The following ARV1 variants were observed in gnomAD, a reference collection of about 807,000 sequenced individuals.
ARV1 encodes protein ARV1.
In ARV1, 26 loss-of-function variants were observed where a neutral mutation model predicts 31.1. The ratio of observed to expected loss-of-function variants is 0.84; its 90% CI spans 0.61 to 1.16. ARV1 has a LOEUF of 1.16. Among genes scored for constraint, ARV1 ranks in the 50% most tolerant of loss-of-function variants. ARV1 has a pLI of 0.00. For missense variants in ARV1, 281 were observed against 324.9 expected, an observed-to-expected ratio of 0.86 and a Z score of 1.04; for synonymous variants, 117 against 123.2, an observed-to-expected ratio of 0.95 and a Z score of 0.34.
In ARV1 at chr1:230,990,093, A is replaced by G. The variant is rs779438886; in HGVS notation, c.295-17A>G. The G allele has an allele frequency of 6.9e-6, 11 of 1,587,660 alleles. No individual in the cohort carries two copies. The highest frequency in any genetic ancestry group is 9.4e-6 in the Non-Finnish European group (11 of 1,170,482). On this transcript the variant is annotated splice_polypyrimidine_tract_variant and intron_variant, in intron 2 of 5. Coordinates refer to ENST00000310256, the MANE Select transcript of ARV1 (RefSeq NM_022786.3). ...GGTTTCCTTACCTAATTGAATGGCA[A>G]TGTCTTTGACTATCAGATCCATGGA...
At chr1:230,986,694 TTTTTTTTTTTTTG>T (rs1366224868) in intron 1 of ARV1, among the ~76,000 whole-genome samples, 37 of 95,310 alleles carry the variant, frequency 3.9e-4, no homozygotes, top group Admixed American at 5.1e-4. Flanking sequence ...TTTTTTTTTT[TTTTTTTTTTTTTG>T]AGAGAGAGAG....
rs975871655 is a variant in ARV1 at position 230,993,620 on chromosome 1, C to T, written c.449-2140C>T. Among the ~76,000 whole-genome samples, 209 of 152,156 alleles carry T rather than the reference C, an allele frequency of 1.4e-3. 4 individuals are homozygous for T. The highest frequency in any genetic ancestry group is 1.3e-4 in the Non-Finnish European group (9 of 67,994). On this transcript the variant is annotated intron_variant, in intron 3 of 5. Transcript: ENST00000310256. ...AGTCCAAAAGAATATCTTGGCCGGG[C>T]GTGGTACCTCACACCTGTAATCCCA...
chr1:230,994,951 G>A (rs1679320824), intron 3 of ARV1, among the ~76,000 whole-genome samples: 1 of 152,156 alleles, frequency 6.6e-6, no homozygotes, highest in Admixed American at 6.5e-5. Context: ...TATAATACAT[G>A]TGTCCAGAGA....
intron 1 of ARV1, among the ~76,000 whole-genome samples, chr1:230,980,857 G>C (rs570346658): frequency 9.2e-5 from 14 of 151,408 alleles, no homozygotes; most frequent in Non-Finnish European, 1.9e-4. Context: ...TTAGAAAGCA[G>C]ACCTTCTAAG....
Position 230,996,581 on chromosome 1 carries a change from G to A in ARV1, c.674-540G>A, listed in dbSNP as rs534678527. On this transcript the variant is annotated intron_variant, in intron 4 of 5. Transcript: ENST00000310256. Reference sequence around the variant, plus strand: ...CCCAACTCAGCCTCCTGAAAAGCTGGCCACAGGTATATGCCACCACACCCT... The same window carrying A: ...CCCAACTCAGCCTCCTGAAAAGCTGACCACAGGTATATGCCACCACACCCT... Among the ~76,000 whole-genome samples, 449 of 152,040 alleles carry A rather than the reference G, an allele frequency of 3.0e-3. 3 individuals are homozygous for A. The highest frequency in any genetic ancestry group is 0.01 in the African/African-American group (423 of 41,484).
At position 230,995,997 on chromosome 1, in the gene ARV1, G is replaced by T. The variant is rs1195524476; in HGVS notation, c.673+13G>T. The T allele has an allele frequency of 6.3e-7, 1 of 1,596,630 alleles. No homozygotes were observed. The highest frequency in any genetic ancestry group is 8.6e-7 in the Non-Finnish European group (1 of 1,168,228). On this transcript the variant is annotated intron_variant, in intron 4 of 5. Transcript: ENST00000310256. Reference sequence around the variant, plus strand: ...CAGGCAATTAGAGGTATGTTTATGTGTTTATTCTGCCTTCTCAGTTTTCAA... The same window carrying T: ...CAGGCAATTAGAGGTATGTTTATGTTTTTATTCTGCCTTCTCAGTTTTCAA...
intron 1 of ARV1, among the ~76,000 whole-genome samples, chr1:230,982,868 A>G (rs1200135951): frequency 6.6e-6 from 1 of 152,184 alleles, no homozygotes; most frequent in Admixed American, 6.5e-5. Flanking sequence ...CAGAGTTTCT[A>G]AGTGGTTACT....
chr1:230,984,698 T>TG (rs1433037106), intron 1 of ARV1, among the ~76,000 whole-genome samples: 1 of 145,378 alleles, frequency 6.9e-6, no homozygotes, highest in Non-Finnish European at 1.5e-5. Context: ...AGTAAAAACA[T>TG]GCAAGAATCA....
chr1:230,997,373 C>G, intron 5 of ARV1, 106 bp downstream of exon 5: 1 of 1,333,992 alleles, frequency 7.5e-7, no homozygotes, highest in Non-Finnish European at 1.0e-6. Context: ...CATTCTCTAG[C>G]GTCTAACTGC....
At chr1:230,995,643 A>C in intron 3 of ARV1, 117 bp from the exon 4 acceptor site, 1 of 727,856 alleles carries the variant, frequency 1.4e-6, no homozygotes, top group Non-Finnish European at 2.2e-6. Context: ...ATCTTGAGAA[A>C]GTATTTCTTA....
chr1:230,996,602 A>T lies in ARV1; in HGVS notation c.674-519A>T, dbSNP rs1290250835. 2.6e-5 allele frequency among the ~76,000 whole-genome samples: 4 copies of T among 151,912 alleles called. No individual in the cohort carries two copies. The East Asian group carries it at 7.8e-4, about 29-fold the overall frequency. On this transcript the variant is annotated intron_variant, in intron 4 of 5. Transcript: ENST00000310256. ...GCTGGCCACAGGTATATGCCACCAC[A>T]CCCTGCTAAATTTTTGTAGAGACAG...
intron 2 of ARV1, among the ~76,000 whole-genome samples, chr1:230,989,809 G>C (rs544132632): frequency 6.6e-6 from 1 of 152,276 alleles, no homozygotes; most frequent in East Asian, 1.9e-4. Flanking sequence ...TTAACTAGGG[G>C]TGCACATTAG....
chr1:230,996,993 T>C (rs528486917), intron 4 of ARV1, 128 bp from the exon 5 acceptor site: 1 of 1,154,086 alleles, frequency 8.7e-7, no homozygotes, highest in African/African-American at 1.5e-5. Context: ...GGTAACAGCA[T>C]AGATTAATAA....
At chr1:230,988,565 G>T in intron 2 of ARV1, 126 bp downstream of exon 2, 1 of 775,772 alleles carries the variant, frequency 1.3e-6, no homozygotes, top group Non-Finnish European at 1.9e-6. Context: ...TGTGAGAGTG[G>T]GTCTTTTATT....
Position 230,990,275 on chromosome 1 carries a change from C to G in ARV1, c.448+12C>G. The G allele has an allele frequency of 1.9e-6, 3 of 1,611,756 alleles. No homozygotes were observed. The highest frequency in any genetic ancestry group is 1.1e-5 in the South Asian group (1 of 90,596). On this transcript the variant is annotated intron_variant, in intron 3 of 5. Transcript: ENST00000310256. ...GATTGCTGCTTTAGGTAAGGAGATG[C>G]CATGCTTTCCATTCTTAGTTAACTA...
rs145147825 is a variant in ARV1 at position 231,000,453 on chromosome 1, C to T, written c.*320C>T. On this transcript the variant is annotated 3_prime_UTR_variant, in exon 6 of 6. Transcript: ENST00000310256. ...TTATACACAAGGCCAGGTAAGCGCT[C>T]ATAATTCACACATAATAAAACATCT... is the stretch of plus-strand genomic sequence containing the variant. The T allele has an allele frequency of 5.3e-5, 8 of 152,316 alleles. No individual in the cohort carries two copies. The highest frequency in any genetic ancestry group is 1.9e-4 in the African/African-American group (8 of 41,566). 9.4% of individuals were successfully genotyped at this position (152,316 alleles called of 1,614,324 possible).
intron 4 of ARV1, 22 bp from the exon 5 acceptor site, chr1:230,997,099 T>C (rs560948917): frequency 1.2e-5 from 20 of 1,610,196 alleles, no homozygotes; most frequent in East Asian, 8.9e-5. Context: ...TCTGAACTTA[T>C]TGGCTGCCTT....
intron 1 of ARV1, among the ~76,000 whole-genome samples, chr1:230,984,343 CGTGTGTGTGT>C (rs374689782): frequency 2.1e-4 from 25 of 119,326 alleles, no homozygotes; most frequent in Middle Eastern, 5.4e-3. Flanking sequence ...TTGTTTGTTT[CGTGTGTGTGT>C]GTGTGTGTGC....
intron 2 of ARV1, 143 bp from the exon 3 acceptor site, chr1:230,989,967 A>G: frequency 1.2e-6 from 1 of 809,496 alleles, no homozygotes; most frequent in Non-Finnish European, 1.9e-6. Flanking sequence ...ACTGATTACA[A>G]AATGACTACA....
Sources: allele counts gnomAD v4.1 joint callset (sites outside exome capture counted in the v4.1 genomes callset), GRCh38; gene constraint gnomAD v4.1.1; transcripts MANE v1.5; gene names NCBI Gene and HGNC (gene_info 2026-07-23, HGNC 2026-07-21).